NEO1: variants seen among roughly 807,000 people sequenced by gnomAD.
NEO1 encodes neogenin 1, also known as neogenin.
Under a neutral mutation model 159.7 loss-of-function variants are expected in NEO1, and 63 were observed. The observed-to-expected ratio is 0.39, with a 90% CI of 0.32 to 0.49. The LOEUF is 0.49. NEO1 is among the 20% of genes least tolerant of loss of function. NEO1 has a pLI of 0.85. For missense variants in NEO1, 1,615 were observed against 1,831.0 expected (o/e 0.88, Z 2.15); for synonymous variants, 633 against 662.0 (o/e 0.96, Z 0.67).
intron 1 of NEO1, among the ~76,000 whole-genome samples, chr15:73,082,689 AATT>A (rs2069133136): frequency 6.6e-6 from 1 of 152,114 alleles, no homozygotes; most frequent in South Asian, 2.1e-4. Context: ...CCCTCAAATG[AATT>A]ATTAATACAT....
intron 1 of NEO1, among the ~76,000 whole-genome samples, chr15:73,068,231 C>CCCTG (rs1555421038): frequency 8.3e-6 from 1 of 120,562 alleles, no homozygotes; most frequent in Non-Finnish European, 1.8e-5. Context: ...CTACCCCCCC[C>CCCTG]CCTTTTTTTT....
chr15:73,145,920 A>T lies in NEO1; in HGVS notation c.1015+9893A>T, dbSNP rs995999031. Among the ~76,000 whole-genome samples, 7 of 152,126 alleles carry T rather than the reference A, an allele frequency of 4.6e-5. No individual in the cohort carries two copies. In the South Asian group the frequency reaches 1.4e-3, roughly 31 times the overall value. On this transcript the variant is annotated intron_variant, in intron 5 of 28. Coordinates refer to ENST00000261908, the MANE Select transcript of NEO1 (RefSeq NM_002499.4). ...TTCTGAGTCCATTAATGAGTGCATG[A>T]TTGTCATTGCTTCTCAAGGTAACTT...
chr15:73,244,536 T>TAGAC, intron 9 of NEO1, 38 bp downstream of exon 9: 1 of 1,600,722 alleles, frequency 6.2e-7, no homozygotes, highest in Non-Finnish European at 8.5e-7. Flanking sequence ...CCCCTAGAGG[T>TAGAC]AGACCTCTCT....
At chr15:73,269,899 T>G in intron 16 of NEO1, 111 bp from the exon 17 acceptor site, 1 of 849,910 alleles carries the variant, frequency 1.2e-6, no homozygotes, top group Non-Finnish European at 1.9e-6. Context: ...TTTTCTTTCT[T>G]TTTCTCCATT....
intron 7 of NEO1, among the ~76,000 whole-genome samples, chr15:73,213,058 T>C (rs144313856): frequency 6.6e-6 from 1 of 152,306 alleles, no homozygotes; most frequent in East Asian, 1.9e-4. Context: ...TGTATACTTC[T>C]TAAACTTTGT....
At chr15:73,074,942 A>G (rs765789627) in intron 1 of NEO1, among the ~76,000 whole-genome samples, 3 of 152,192 alleles carry the variant, frequency 2.0e-5, no homozygotes, top group Admixed American at 6.5e-5. Context: ...TTATCTCTAT[A>G]TCCTTAGGAC....
chr15:73,062,040 G>A, intron 1 of NEO1, among the ~76,000 whole-genome samples: 1 of 152,192 alleles, frequency 6.6e-6, no homozygotes, highest in East Asian at 1.9e-4. Flanking sequence ...CATAGAATAA[G>A]TTTGTGGGTG....
intron 2 of NEO1, 119 bp from the exon 3 acceptor site, chr15:73,122,405 CT>C: frequency 1.1e-6 from 1 of 887,822 alleles, no homozygotes; most frequent in Non-Finnish European, 1.7e-6. Flanking sequence ...GGACTTTCTT[CT>C]CAACCCTGGT....
intron 5 of NEO1, among the ~76,000 whole-genome samples, chr15:73,165,118 A>C (rs917462135): frequency 2.3e-4 from 30 of 127,996 alleles, no homozygotes; most frequent in Admixed American, 1.9e-3. Flanking sequence ...TTTTTTGTAG[A>C]GATAGGGGTC....
At chr15:73,294,569 T>A (rs1313999333) in intron 26 of NEO1, among the ~76,000 whole-genome samples, 4 of 152,170 alleles carry the variant, frequency 2.6e-5, no homozygotes, top group African/African-American at 9.6e-5. Flanking sequence ...AGACAGAGCC[T>A]CAGTCTGTTG....
chr15:73,286,811 A>G (rs1432296635), intron 23 of NEO1, among the ~76,000 whole-genome samples: 1 of 151,972 alleles, frequency 6.6e-6, no homozygotes, highest in Non-Finnish European at 1.5e-5. Flanking sequence ...ATTTACCAAG[A>G]CCTGTCATGT....
intron 1 of NEO1, among the ~76,000 whole-genome samples, chr15:73,075,181 C>G (rs1410313580): frequency 2.0e-5 from 3 of 152,114 alleles, no homozygotes; most frequent in Non-Finnish European, 4.4e-5. Context: ...ACAATTCCAG[C>G]CTTCTAGAAG....
At chr15:73,121,210 C>T (rs951300990) in intron 2 of NEO1, among the ~76,000 whole-genome samples, 1 of 152,092 alleles carries the variant, frequency 6.6e-6, no homozygotes, top group African/African-American at 2.4e-5. Flanking sequence ...AAGCAGAGTA[C>T]CCGCCTGTCC....
rs763103628 is a variant in NEO1 at position 73,244,320 on chromosome 15, T to G, written c.1452-24T>G. On this transcript the variant is annotated intron_variant, in intron 8 of 28. Coordinates refer to ENST00000261908, the MANE Select transcript of NEO1 (RefSeq NM_002499.4). ...GGAAGTATTCCTAATTAATGCTATC[T>G]CTCTCCAAATCCTTTGTCTAAAGGG... The G allele has an allele frequency of 1.9e-6, 3 of 1,600,030 alleles. No homozygotes were observed. In the African/African-American group the frequency reaches 4.0e-5, roughly 21 times the overall value.
chr15:73,232,426 A>G (rs1349172381), intron 7 of NEO1, among the ~76,000 whole-genome samples: 4 of 152,240 alleles, frequency 2.6e-5, no homozygotes, highest in Admixed American at 2.6e-4. Flanking sequence ...CAATAAGCCT[A>G]CCACTTTGAG....
At position 73,304,814 on chromosome 15, in the gene NEO1, G is replaced by T. The variant is rs915472626; in HGVS notation, c.*2118G>T. 1.3e-5 allele frequency: 2 copies of T among 152,322 alleles called. No individual in the cohort carries two copies. Among genetic ancestry groups the T allele is most frequent in the South Asian group, 4.1e-4 (2 of 4,828 alleles). 9.4% of individuals were successfully genotyped at this position (152,322 alleles called of 1,614,324 possible). A position where few individuals can be genotyped will look rare whatever the true frequency, so the allele number is the denominator to read the frequency against. On this transcript the variant is annotated 3_prime_UTR_variant, in exon 29 of 29. Transcript: ENST00000261908. The stretch of plus-strand genomic sequence containing the variant: ...ATACTGCCACAGAATTGGGGCGGGT[G>T]GGGGAGGGGCCTATTTTTAAATAAA...
intron 16 of NEO1, 73 bp from the exon 17 acceptor site, chr15:73,269,937 C>T: frequency 1.7e-6 from 2 of 1,190,376 alleles, no homozygotes; most frequent in Admixed American, 1.8e-5. Flanking sequence ...TTATATTACC[C>T]TGCATTTCCC....
chr15:73,221,844 T>TAG (rs929062815), intron 7 of NEO1: 1 of 153,552 alleles, frequency 6.5e-6, no homozygotes, highest in African/African-American at 2.4e-5. Context: ...CCCCTTTCTT[T>TAG]GACTAGGAAA....
chr15:73,276,039 CAT>C, intron 21 of NEO1, among the ~76,000 whole-genome samples: 1 of 152,306 alleles, frequency 6.6e-6, no homozygotes, highest in South Asian at 2.1e-4. Context: ...AAACTGCAAA[CAT>C]ACTTTCTGTT....
Sources: allele counts gnomAD v4.1 joint callset (sites outside exome capture counted in the v4.1 genomes callset), GRCh38; gene constraint gnomAD v4.1.1; transcripts MANE v1.5; gene names NCBI Gene and HGNC (gene_info 2026-07-23, HGNC 2026-07-21).